SHROOM4: variants seen among roughly 807,000 people sequenced by gnomAD.
The protein encoded by SHROOM4 is protein Shroom4.
A neutral mutation model predicts 80.3 loss-of-function variants in SHROOM4; 17 were observed. That is an observed-to-expected ratio of 0.21 (90% CI 0.14 to 0.32). The LOEUF is 0.32. Ranked by LOEUF, SHROOM4 falls within the 10% of genes least tolerant of loss-of-function variation. The probability of loss-of-function intolerance (pLI) is 1.00; values close to 1 mark genes in which losing one functional copy is unlikely to be tolerated. For synonymous variants in SHROOM4, 400 were observed against 437.5 expected (o/e 0.91, Z 1.07); for missense variants, 993 against 1,140.3 (o/e 0.87, Z 1.86).
intron 5 of SHROOM4, among the ~76,000 whole-genome samples, chrX:50,610,352 T>TCTCTCTCACACACACACACACA (rs782591424): frequency 4.9e-4 from 45 of 91,708 alleles, no homozygotes; most frequent in African/African-American, 2.0e-3. Context: ...TCTCTCTCTC[T>TCTCTCTCACACACACACACACA]CACACACACA....
At chrX:50,618,895 T>G (rs1930456700) in intron 5 of SHROOM4, among the ~76,000 whole-genome samples, 1 of 112,159 alleles carries the variant, frequency 8.9e-6, no homozygotes, top group South Asian at 3.7e-4. Flanking sequence ...AAGCAGGGAC[T>G]CCTGGGGTAC....
At chrX:50,724,666 AGAC>A (rs1275042533) in intron 1 of SHROOM4, among the ~76,000 whole-genome samples, 3 of 111,632 alleles carry the variant, frequency 2.7e-5, no homozygotes, top group East Asian at 2.8e-4. Context: ...TTTTTAGTAG[AGAC>A]GGGGTTTCTC....
In SHROOM4 at chrX:50,635,188, C is replaced by T. The variant is rs1931286203; in HGVS notation, c.885G>A (p.Gln295=). The T allele has an allele frequency of 1.7e-6, 2 of 1,204,745 alleles. No individual in the cohort carries two copies. Among genetic ancestry groups the T allele is most frequent in the Middle Eastern group, 2.3e-4 (1 of 4,335 alleles). ...GGACCACAGGCTCAGATGCCCTGCG[C>T]TGCTCTCCATTGAGGAGTTGGGCTC... ...ASRAQLLNGE[Q]RRASEPVVPL... The change falls in exon 4 of 9, where the codon CAG becomes CAA. Residue 295 remains glutamine (Q), a synonymous_variant. Coordinates refer to ENST00000376020, the MANE Select transcript of SHROOM4 (RefSeq NM_020717.5).
intron 5 of SHROOM4, among the ~76,000 whole-genome samples, chrX:50,623,473 C>G (rs1557252366): frequency 5.4e-5 from 6 of 111,668 alleles, no homozygotes. Flanking sequence ...CAGGTGTGAG[C>G]CACCGCGCCG....
intron 2 of SHROOM4, among the ~76,000 whole-genome samples, chrX:50,688,036 G>A (rs1557262399): frequency 9.1e-6 from 1 of 110,342 alleles, no homozygotes; most frequent in Non-Finnish European, 1.9e-5. Flanking sequence ...TTCCTCTATA[G>A]AGCCAAATAA....
At chrX:50,766,257 T>C (rs1557269321) in intron 1 of SHROOM4, among the ~76,000 whole-genome samples, 1 of 111,456 alleles carries the variant, frequency 9.0e-6, no homozygotes, top group Non-Finnish European at 1.9e-5. Flanking sequence ...ATAGTTTCCC[T>C]TGTGCTTTGT....
chrX:50,706,037 C>T (rs1343948674), intron 1 of SHROOM4, among the ~76,000 whole-genome samples: 3 of 98,543 alleles, frequency 3.0e-5, no homozygotes, highest in South Asian at 5.0e-4. Flanking sequence ...CACACACACA[C>T]GTCATACCAA....
chrX:50,615,076 G>GAAACAAAAA (rs1930172363), intron 5 of SHROOM4, among the ~76,000 whole-genome samples: 1 of 101,679 alleles, frequency 9.8e-6, no homozygotes, highest in Non-Finnish European at 2.0e-5. Context: ...TTGTACTGAT[G>GAAACAAAAA]GTTTGGGGTG....
chrX:50,607,764 C>CTGCTGTTGCTGG lies in SHROOM4; in HGVS notation c.3377_3378insCCAGCAACAGCA (p.Gln1125_Gln1126insHisGlnGlnGln). 5 of 1,205,271 alleles carry CTGCTGTTGCTGG rather than the reference C, an allele frequency of 4.1e-6. No individual in the cohort carries two copies. Among genetic ancestry groups the CTGCTGTTGCTGG allele is most frequent in the Non-Finnish European group, 5.6e-6 (5 of 891,371 alleles). On this transcript the variant is annotated inframe_insertion, in exon 6 of 9. Transcript: ENST00000376020. The stretch of plus-strand genomic sequence containing the variant: ...CCTCCTCCTCCTGTTGCTTCTGCTG[C>CTGCTGTTGCTGG]TGCTGTTGCTGCTTCTGCTGCTGGG...
At chrX:50,597,065 G>C (rs782572048) in intron 8 of SHROOM4, 101 bp from the exon 9 acceptor site, 4 of 1,004,711 alleles carry the variant, frequency 4.0e-6, no homozygotes, top group Non-Finnish European at 5.5e-6. Flanking sequence ...CCACAAAGCA[G>C]CTATACATTC....
At chrX:50,748,864 A>G (rs191545301) in intron 1 of SHROOM4, among the ~76,000 whole-genome samples, 44 of 112,580 alleles carry the variant, frequency 3.9e-4, no homozygotes, top group African/African-American at 1.4e-3. Flanking sequence ...TAAAGACTAC[A>G]AATGTACCTT....
At chrX:50,631,766 T>C (rs1281191861) in intron 4 of SHROOM4, among the ~76,000 whole-genome samples, 1 of 111,811 alleles carries the variant, frequency 8.9e-6, no homozygotes, top group Admixed American at 9.5e-5. Flanking sequence ...CTCTTTATAA[T>C]AGCATCTAAA....
intron 1 of SHROOM4, among the ~76,000 whole-genome samples, chrX:50,714,222 T>C (rs868947841): frequency 2.7e-5 from 3 of 112,086 alleles, no homozygotes; most frequent in Admixed American, 9.5e-5. Flanking sequence ...TTTTGTAATA[T>C]AGCCTTGTAA....
At position 50,813,182 on chromosome X, in the gene SHROOM4, G is replaced by GGCGGCGGCGGCA. The variant is rs1342056702; in HGVS notation, c.117+719_117+720insTGCCGCCGCCGC. ...CAGTGGCGGCGGCGGCGGCGGCGGC[G>GGCGGCGGCGGCA]GCGGCAGCGGCAGCAGCAACAGCAG... On this transcript the variant is annotated intron_variant, in intron 1 of 8. Coordinates refer to ENST00000376020, the MANE Select transcript of SHROOM4 (RefSeq NM_020717.5). Among the ~76,000 whole-genome samples the GGCGGCGGCGGCA allele has an allele frequency of 1.9e-3, 204 of 109,868 alleles. 1 individual carries two copies. Among genetic ancestry groups the GGCGGCGGCGGCA allele is most frequent in the African/African-American group, 5.9e-3 (178 of 30,359 alleles).
At chrX:50,623,077 C>T (rs782664358) in intron 5 of SHROOM4, among the ~76,000 whole-genome samples, 22 of 112,076 alleles carry the variant, frequency 2.0e-4, no homozygotes, top group Non-Finnish European at 3.6e-4. Flanking sequence ...GGGCCTGGGG[C>T]CACATTTTGA....
At chrX:50,622,843 T>C (rs1284728475) in intron 5 of SHROOM4, among the ~76,000 whole-genome samples, 7 of 112,468 alleles carry the variant, frequency 6.2e-5, no homozygotes, top group Admixed American at 1.9e-4. Flanking sequence ...CTTCCTTTTC[T>C]ATTGAGCTTT....
intron 5 of SHROOM4, among the ~76,000 whole-genome samples, chrX:50,615,439 T>C (rs1277178117): frequency 9.0e-6 from 1 of 111,086 alleles, no homozygotes; most frequent in Non-Finnish European, 1.9e-5. Context: ...AAGCATGGGA[T>C]AGGTGCCCAG....
chrX:50,814,170 C>A lies in SHROOM4; in HGVS notation c.-152G>T. On this transcript the variant is annotated 5_prime_UTR_variant, in exon 1 of 9. Coordinates refer to ENST00000376020, the MANE Select transcript of SHROOM4 (RefSeq NM_020717.5). Reference sequence around the variant, plus strand: ...CTCCCGGCTGGAGACGCTCAGGCAGCGAGCGAGCGCAAGGAGGAAATGACA... The same window carrying A: ...CTCCCGGCTGGAGACGCTCAGGCAGAGAGCGAGCGCAAGGAGGAAATGACA... 1 of 454,393 alleles carries A rather than the reference C, an allele frequency of 2.2e-6. No homozygotes were observed. Among genetic ancestry groups the A allele is most frequent in the Admixed American group, 3.4e-5 (1 of 29,339 alleles). 37.4% of individuals were successfully genotyped at this position (454,393 alleles called of 1,213,427 possible). A position where few individuals can be genotyped will look rare whatever the true frequency, so the allele number is the denominator to read the frequency against.
chrX:50,811,888 G>A (rs993068791), intron 1 of SHROOM4, among the ~76,000 whole-genome samples: 10 of 110,764 alleles, frequency 9.0e-5, no homozygotes, highest in African/African-American at 3.3e-4. Context: ...AAGGCACCCT[G>A]CCTCTCAACA....
Sources: gnomAD v4.1 joint callset for allele counts (sites outside exome capture counted in the v4.1 genomes callset) on GRCh38, gnomAD v4.1.1 for gene constraint, MANE v1.5 for transcripts, NCBI Gene and HGNC (gene_info 2026-07-23, HGNC 2026-07-21) for gene names.